GSK3B: variants seen among roughly 807,000 people sequenced by gnomAD.
GSK3B encodes glycogen synthase kinase 3 beta, also known as glycogen synthase kinase-3 beta.
GSK3B carries 15 observed loss-of-function variants against 56.4 expected under a neutral mutation model. That is an observed-to-expected ratio of 0.27 (90% CI 0.18 to 0.41). GSK3B has a LOEUF of 0.41. Ranked by LOEUF, GSK3B falls within the 10% of genes least tolerant of loss-of-function variation. The pLI is 1.00. For missense variants in GSK3B, 300 were observed against 513.4 expected (o/e 0.58, Z 4.02); for synonymous variants, 181 against 188.9 (o/e 0.96, Z 0.34).
chr3:119,976,060 T>A (rs77354952), intron 2 of GSK3B, among the ~76,000 whole-genome samples: 2,450 of 152,256 alleles, frequency 0.016, 66 homozygotes, highest in African/African-American at 0.056. Context: ...AAAAACTAGA[T>A]AATAACAAGT....
intron 5 of GSK3B, among the ~76,000 whole-genome samples, chr3:119,913,649 A>G (rs2056755605): frequency 6.6e-6 from 1 of 151,396 alleles, no homozygotes; most frequent in Non-Finnish European, 1.5e-5. Flanking sequence ...AAACAGTAAA[A>G]CAGTAAGTGC....
At chr3:120,043,539 G>C (rs966276632) in intron 1 of GSK3B, among the ~76,000 whole-genome samples, 1 of 152,152 alleles carries the variant, frequency 6.6e-6, no homozygotes, top group East Asian at 1.9e-4. Flanking sequence ...CCTGCATCTT[G>C]CTCATGGCAG....
chr3:119,935,590 A>AG (rs1241975236), intron 3 of GSK3B, among the ~76,000 whole-genome samples: 2 of 152,170 alleles, frequency 1.3e-5, no homozygotes, highest in Non-Finnish European at 2.9e-5. Flanking sequence ...CTGTGCTATT[A>AG]AACATCACCA....
At chr3:120,060,786 A>G (rs1336729588) in intron 1 of GSK3B, among the ~76,000 whole-genome samples, 5 of 152,192 alleles carry the variant, frequency 3.3e-5, no homozygotes, top group Non-Finnish European at 4.4e-5. Context: ...AAAGAAATCA[A>G]TTCTTAGGAA....
intron 6 of GSK3B, among the ~76,000 whole-genome samples, 193 bp from the exon 7 acceptor site, chr3:119,906,045 G>A (rs1217840323): frequency 6.6e-6 from 1 of 152,026 alleles, no homozygotes; most frequent in Admixed American, 6.6e-5. Context: ...TACCAAAGAG[G>A]AAACCAGACC....
intron 7 of GSK3B, among the ~76,000 whole-genome samples, chr3:119,879,427 C>T (rs2056354114): frequency 6.6e-6 from 1 of 152,072 alleles, no homozygotes; most frequent in African/African-American, 2.4e-5. Context: ...GTGATTTACC[C>T]ACTTCAGCCT....
intron 1 of GSK3B, among the ~76,000 whole-genome samples, chr3:120,086,278 C>A (rs1404330739): frequency 1.3e-5 from 2 of 151,472 alleles, no homozygotes; most frequent in Non-Finnish European, 2.9e-5. Flanking sequence ...TGTAGATGGA[C>A]AATGGAAGAA....
At chr3:119,942,874 G>GT (rs149250647) in intron 3 of GSK3B, among the ~76,000 whole-genome samples, 3,425 of 152,274 alleles carry the variant, frequency 0.022, 107 homozygotes, top group African/African-American at 0.077. Flanking sequence ...TAATGGGAAG[G>GT]TAAGAGAGGA....
At chr3:119,918,930 AAAC>A (rs1188853024) in intron 4 of GSK3B, among the ~76,000 whole-genome samples, 1 of 152,200 alleles carries the variant, frequency 6.6e-6, no homozygotes, top group African/African-American at 2.4e-5. Flanking sequence ...TAAAATAATA[AAAC>A]AATAGAATAC....
intron 1 of GSK3B, among the ~76,000 whole-genome samples, chr3:120,070,562 T>C (rs1156448262): frequency 2.7e-5 from 4 of 149,106 alleles, no homozygotes; most frequent in East Asian, 3.9e-4. Flanking sequence ...AAAAAAAAAA[T>C]GTATGGAATA....
intron 7 of GSK3B, among the ~76,000 whole-genome samples, chr3:119,900,371 A>C (rs1012148400): frequency 6.6e-6 from 1 of 152,106 alleles, no homozygotes; most frequent in Non-Finnish European, 1.5e-5. Context: ...AAATGAAACT[A>C]TCTCTGTAGG....
At chr3:120,014,412 A>G (rs954334092) in intron 1 of GSK3B, among the ~76,000 whole-genome samples, 9 of 152,196 alleles carry the variant, frequency 5.9e-5, no homozygotes. Flanking sequence ...ATGGGATCAG[A>G]GTTAGAAAAT....
At chr3:120,084,837 G>A (rs544860256) in intron 1 of GSK3B, among the ~76,000 whole-genome samples, 2 of 152,278 alleles carry the variant, frequency 1.3e-5, no homozygotes, top group African/African-American at 4.8e-5. Flanking sequence ...TATATTTAGA[G>A]AAATAAGTAT....
At chr3:120,037,067 C>T (rs1366221910) in intron 1 of GSK3B, among the ~76,000 whole-genome samples, 1 of 152,186 alleles carries the variant, frequency 6.6e-6, no homozygotes, top group Admixed American at 6.5e-5. Context: ...CAATTATCAT[C>T]TTGTTTCCTA....
chr3:119,878,932 G>C (rs2056346683), intron 7 of GSK3B, among the ~76,000 whole-genome samples: 2 of 152,268 alleles, frequency 1.3e-5, no homozygotes, highest in Admixed American at 6.5e-5. Flanking sequence ...ATTACAAAGG[G>C]ACACTAGGAA....
intron 10 of GSK3B, among the ~76,000 whole-genome samples, chr3:119,839,850 G>A (rs2055747460): frequency 2.6e-5 from 4 of 152,064 alleles, no homozygotes; most frequent in Admixed American, 2.6e-4. Flanking sequence ...AGTTACTTAG[G>A]GGTTCATATT....
chr3:119,889,740 T>G (rs2108063518), intron 7 of GSK3B, among the ~76,000 whole-genome samples: 1 of 152,178 alleles, frequency 6.6e-6, no homozygotes, highest in Non-Finnish European at 1.5e-5. Flanking sequence ...AGTACTTCAA[T>G]TACAAAGGCA....
At chr3:119,919,700 T>C (rs560489633) in intron 4 of GSK3B, among the ~76,000 whole-genome samples, 2 of 152,146 alleles carry the variant, frequency 1.3e-5, no homozygotes, top group South Asian at 4.1e-4. Context: ...AAAAATACCG[T>C]AAGTGCACAG....
At chr3:119,882,693 T>C (rs1332497797) in intron 7 of GSK3B, among the ~76,000 whole-genome samples, 4 of 152,178 alleles carry the variant, frequency 2.6e-5, no homozygotes, top group African/African-American at 9.6e-5. Context: ...TTTACCACAA[T>C]GGGAAATAAT....
Sources: gnomAD v4.1 joint callset for allele counts (sites outside exome capture counted in the v4.1 genomes callset) on GRCh38, gnomAD v4.1.1 for gene constraint, MANE v1.5 for transcripts, NCBI Gene and HGNC (gene_info 2026-07-23, HGNC 2026-07-21) for gene names.